CENPE: variants seen among roughly 807,000 people sequenced by gnomAD.
CENPE encodes the protein centromere-associated protein E.
Under a neutral mutation model 336.1 loss-of-function variants are expected in CENPE, and 145 were observed. The observed-to-expected ratio is 0.43, with a 90% CI of 0.38 to 0.50. The LOEUF is 0.50. CENPE is among the 20% of genes least tolerant of loss of function. The pLI, the probability that CENPE is intolerant of heterozygous loss-of-function variation, is 0.00. For missense variants in CENPE, 2,719 were observed against 3,023.3 expected (o/e 0.90, Z 2.36); for synonymous variants, 1,013 against 984.8 (o/e 1.03, Z -0.54).
intron 10 of CENPE, 47 bp downstream of exon 10, chr4:103,183,154 G>A (rs1176702431): frequency 1.4e-6 from 2 of 1,411,516 alleles, no homozygotes; most frequent in African/African-American, 1.4e-5. Context: ...TCAACCTAAT[G>A]AAAAATATAA....
chr4:103,194,747 G>C (rs1028410071), intron 5 of CENPE, 63 bp from the exon 6 acceptor site: 7 of 1,258,146 alleles, frequency 5.6e-6, no homozygotes, highest in African/African-American at 1.5e-5. Flanking sequence ...CTTTTCAAAA[G>C]AAGGTGCAAA....
At chr4:103,121,509 A>G (rs1252015328) in intron 43 of CENPE, among the ~76,000 whole-genome samples, 1 of 150,952 alleles carries the variant, frequency 6.6e-6, no homozygotes. Flanking sequence ...ATCCTGTTGT[A>G]TCAAAATAAT....
chr4:103,109,119 G>T (rs753379291), intron 47 of CENPE, 30 bp from the exon 48 acceptor site: 1 of 1,551,348 alleles, frequency 6.4e-7, no homozygotes, highest in Admixed American at 2.0e-5. Context: ...AAGAGAGACT[G>T]TAAGACTTCT....
intron 14 of CENPE, among the ~76,000 whole-genome samples, chr4:103,176,403 T>C (rs182953829): frequency 6.4e-4 from 98 of 152,292 alleles, no homozygotes; most frequent in African/African-American, 2.3e-3. Flanking sequence ...CCTATGTCAA[T>C]GCCACTCTTT....
At chr4:103,113,006 G>A (rs1386550001) in intron 46 of CENPE, among the ~76,000 whole-genome samples, 1 of 69,044 alleles carries the variant, frequency 1.4e-5, no homozygotes, top group African/African-American at 6.6e-5. Context: ...GTATATAAGT[G>A]TATATATATA....
At chr4:103,147,212 TTC>T in intron 29 of CENPE, 142 bp downstream of exon 29, 1 of 640,856 alleles carries the variant, frequency 1.6e-6, no homozygotes, top group Non-Finnish European at 2.5e-6. Context: ...TTTTTAATTG[TTC>T]TGTTTCTAGT....
rs142117258 is a variant in CENPE at position 103,184,424 on chromosome 4, C to T, written c.746-1136G>A. Among the ~76,000 whole-genome samples the T allele has an allele frequency of 4.6e-3, 707 of 152,296 alleles. 9 individuals carry two copies. Among genetic ancestry groups the T allele is most frequent in the African/African-American group, 0.017 (691 of 41,568 alleles). On this transcript the variant is annotated intron_variant, in intron 9 of 48. Coordinates refer to ENST00000265148, the MANE Select transcript of CENPE (RefSeq NM_001813.3). ...CTTTTAAGCTTTTAAGGCATCTGGA[C>T]TTTGTATCAGTTACAAAAGGGTTTT... is the stretch of plus-strand genomic sequence containing the variant.
chr4:103,194,024 C>T (rs191151736), intron 8 of CENPE, among the ~76,000 whole-genome samples: 9 of 152,106 alleles, frequency 5.9e-5, no homozygotes, highest in Non-Finnish European at 8.8e-5. Context: ...GCAACCATGA[C>T]ATAACAGGAA....
chr4:103,110,950 G>C lies in CENPE; in HGVS notation c.7602C>G (p.Ser2534Arg). The C allele has an allele frequency of 6.2e-7, 1 of 1,610,278 alleles. No homozygotes were observed. The highest frequency in any genetic ancestry group is 8.5e-7 in the Non-Finnish European group (1 of 1,177,948). ...SNKPLTCGGG[S>R]GIVQNTKALI... ...GAGCTTTTGTGTTTTGTACAATGCC[G>C]CTGCCACCTCCACAAGTTAAGGGTT... Residue 2534 changes from serine (S) to arginine (R), a missense_variant, in exon 47 of 49, where the codon AGC (serine) becomes AGG (arginine). Coordinates refer to ENST00000265148, the MANE Select transcript of CENPE (RefSeq NM_001813.3).
At chr4:103,120,010 T>G (rs1214634267) in intron 44 of CENPE, 138 bp downstream of exon 44, 2 of 565,328 alleles carry the variant, frequency 3.5e-6, no homozygotes, top group Non-Finnish European at 6.2e-6. Flanking sequence ...TGCTTCTGCT[T>G]GAGTACTGAA....
chr4:103,149,016 T>TA lies in CENPE; in HGVS notation c.3688-18dup. On this transcript the variant is annotated splice_polypyrimidine_tract_variant and intron_variant, in intron 27 of 48. Transcript: ENST00000265148. ...TTGTAGGCCCTTGGCGAGTGAAATT[T>TA]AAAGAATATTGTAATATTCTTCCAA... 1 of 1,606,632 alleles carries TA rather than the reference T, an allele frequency of 6.2e-7. No individual in the cohort carries two copies. The highest frequency in any genetic ancestry group is 8.5e-7 in the Non-Finnish European group (1 of 1,178,150).
rs765423806 is a variant in CENPE, at chr4:103,196,198, G to A, written c.203C>T (p.Ala68Val). The A allele has an allele frequency of 1.2e-6, 2 of 1,613,800 alleles. No homozygotes were observed. Among genetic ancestry groups the A allele is most frequent in the South Asian group, 2.2e-5 (2 of 91,066 alleles). ...TTKNVYEEIA[A>V]PIIDSAIQGY... The stretch of plus-strand genomic sequence containing the variant: ...TTGTATGGCAGAATCGATGATTGGT[G>A]CTGCTATTTCTTCATACACATTTTT... Residue 68 changes from alanine to valine, a missense_variant, in exon 3 of 49, where the codon GCA becomes GTA. Around this residue, in one of 5 missense-constraint regions of CENPE, gnomAD observed 106 missense variants for 189.3 expected, o/e 0.56. Coordinates refer to ENST00000265148, the MANE Select transcript of CENPE (RefSeq NM_001813.3).
intron 16 of CENPE, 69 bp from the exon 17 acceptor site, chr4:103,163,622 AAAAG>A: frequency 1.3e-6 from 1 of 746,290 alleles, no homozygotes; most frequent in Non-Finnish European, 2.0e-6. Flanking sequence ...AAAAAAAAAA[AAAAG>A]AAAAAGAAAA....
intron 15 of CENPE, 121 bp from the exon 16 acceptor site, chr4:103,175,024 A>G: frequency 1.7e-6 from 1 of 584,346 alleles, no homozygotes; most frequent in African/African-American, 2.0e-5. Flanking sequence ...CTAAAGTTCT[A>G]CATTTTGGCA....
intron 8 of CENPE, among the ~76,000 whole-genome samples, chr4:103,191,840 G>C (rs1300476226): frequency 6.6e-6 from 1 of 151,822 alleles, no homozygotes; most frequent in Non-Finnish European, 1.5e-5. Flanking sequence ...GAAAAAAAAA[G>C]AGAACCTTGC....
chr4:103,145,358 T>C, intron 31 of CENPE, 24 bp from the exon 32 acceptor site: 1 of 1,440,170 alleles, frequency 6.9e-7, no homozygotes, highest in Non-Finnish European at 9.5e-7. Flanking sequence ...ATAAAATAAG[T>C]TAATAGTCAT....
At chr4:103,177,824 G>A (rs1368970254) in intron 13 of CENPE, among the ~76,000 whole-genome samples, 1 of 151,706 alleles carries the variant, frequency 6.6e-6, no homozygotes, top group East Asian at 2.0e-4. Flanking sequence ...CTCTGCAAAA[G>A]CCCCATCATA....
intron 15 of CENPE, among the ~76,000 whole-genome samples, 196 bp downstream of exon 15, chr4:103,175,755 TTACCTACTA>T (rs1755799835): frequency 6.6e-6 from 1 of 152,116 alleles, no homozygotes; most frequent in Admixed American, 6.6e-5. Context: ...AGGCAAAGGT[TTACCTACTA>T]GCACATGTCT....
At position 103,140,109 on chromosome 4, in the gene CENPE, G is replaced by A. The variant is rs7686105; in HGVS notation, c.5914-30C>T. The A allele has an allele frequency of 0.18, 277,469 of 1,562,658 alleles. 26,081 individuals carry two copies. The highest frequency in any genetic ancestry group is 0.3 in the South Asian group (24,917 of 84,096). On this transcript the variant is annotated intron_variant, in intron 37 of 48. Transcript: ENST00000265148. ...AGATAATTGTAAAACAAGTTAGAATGTAAGCAGTTTCTTCAAGGAAGGCAA... is the reference window on the plus strand; with the variant it reads ...AGATAATTGTAAAACAAGTTAGAATATAAGCAGTTTCTTCAAGGAAGGCAA...
Sources: gnomAD v4.1 joint callset for allele counts (sites outside exome capture counted in the v4.1 genomes callset) on GRCh38, gnomAD v4.1.1 for gene constraint, gnomAD v4.1.1 regional missense constraint, MANE v1.5 for transcripts, NCBI Gene and HGNC (gene_info 2026-07-23, HGNC 2026-07-21) for gene names.